Variants in TCERG1 observed in about 807,000 individuals in gnomAD.
TCERG1 encodes the protein transcription elongation regulator 1.
TCERG1 carries 37 observed loss-of-function variants against 144.7 expected under a neutral mutation model. The observed-to-expected ratio is 0.26, with a 90% CI of 0.20 to 0.34. TCERG1 has a LOEUF of 0.34. TCERG1 is among the 10% of genes least tolerant of loss of function. The probability of loss-of-function intolerance (pLI) is 1.00; values close to 1 mark genes in which losing one functional copy is unlikely to be tolerated. For missense variants in TCERG1, 1,027 were observed against 1,380.7 expected (o/e 0.74, Z 4.06); for synonymous variants, 492 against 458.2 (o/e 1.07, Z -0.94).
intron 16 of TCERG1, among the ~76,000 whole-genome samples, chr5:146,497,204 G>T (rs973350160): frequency 2.6e-5 from 4 of 151,916 alleles, no homozygotes; most frequent in Non-Finnish European, 4.4e-5. Flanking sequence ...TCAAGGCCTT[G>T]CTCTGTTGTC....
chr5:146,486,906 C>G (rs2150619408), intron 15 of TCERG1, among the ~76,000 whole-genome samples: 1 of 152,134 alleles, frequency 6.6e-6, no homozygotes, highest in East Asian at 1.9e-4. Context: ...GAAACCTCAT[C>G]TCTACTAAAA....
chr5:146,508,522 G>A (rs1327062602), intron 21 of TCERG1, among the ~76,000 whole-genome samples: 2 of 152,074 alleles, frequency 1.3e-5, no homozygotes, highest in African/African-American at 4.8e-5. Context: ...AAAGTCTATT[G>A]GATTGTAGAT....
chr5:146,492,826 G>T, intron 15 of TCERG1, 94 bp from the exon 16 acceptor site: 1 of 830,266 alleles, frequency 1.2e-6, no homozygotes, highest in Admixed American at 2.6e-5. Context: ...TATTTTTCCT[G>T]GTATAGTTTG....
chr5:146,459,514 A>G (rs1763160380), intron 4 of TCERG1, among the ~76,000 whole-genome samples, 177 bp downstream of exon 4: 1 of 152,236 alleles, frequency 6.6e-6, no homozygotes, highest in South Asian at 2.1e-4. Context: ...TTATATTAAC[A>G]GGAGAAATTA....
At chr5:146,499,975 C>G (rs1035177640) in intron 17 of TCERG1, 2 of 151,932 alleles carry the variant, frequency 1.3e-5, no homozygotes, top group Non-Finnish European at 1.5e-5. Context: ...AGTTCCGGTA[C>G]TTTACATTTT....
chr5:146,471,862 G>A (rs1269737917), intron 9 of TCERG1, among the ~76,000 whole-genome samples: 1 of 152,132 alleles, frequency 6.6e-6, no homozygotes. Flanking sequence ...CTCCCAAAGT[G>A]CTGGGATTAC....
Position 146,507,836 on chromosome 5 carries a change from A to C in TCERG1, c.2962-37A>C. 5 of 1,467,690 alleles carry C rather than the reference A, an allele frequency of 3.4e-6. No individual in the cohort carries two copies. Among genetic ancestry groups the C allele is most frequent in the Non-Finnish European group, 3.8e-6 (4 of 1,058,842 alleles). 90.9% of individuals were successfully genotyped at this position (1,467,690 alleles called of 1,614,324 possible). A position where few individuals can be genotyped will look rare whatever the true frequency, so the allele number is the denominator to read the frequency against. On this transcript the variant is annotated intron_variant, in intron 20 of 22. Coordinates refer to ENST00000679501, the MANE Select transcript of TCERG1 (RefSeq NM_001382548.1). This position sits in a 1 kb window ranked among gnomAD's most constrained non-coding sequence, Gnocchi z 4.6. The stretch of plus-strand genomic sequence containing the variant: ...CAGTTTGACTCCCTAAGTAAAAGTG[A>C]GTTGTATTTATGTTTTTTATTCATG...
At chr5:146,454,933 G>T in intron 1 of TCERG1, 123 bp from the exon 2 acceptor site, 2 of 1,027,050 alleles carry the variant, frequency 1.9e-6, no homozygotes, top group Non-Finnish European at 2.8e-6. Flanking sequence ...GTTGCAAAAT[G>T]ATGACTTTCC....
In TCERG1 at chr5:146,480,009, A is replaced by G. The variant is rs751941486; in HGVS notation, c.1820-19A>G. The G allele has an allele frequency of 6.3e-7, 1 of 1,593,734 alleles. No individual in the cohort carries two copies. Among genetic ancestry groups the G allele is most frequent in the Admixed American group, 1.7e-5 (1 of 57,392 alleles). ...GAAGGATTCATTCCTAAATATTTTA[A>G]TTAAATTTTGTCTTATAGTTAAAGA... On this transcript the variant is annotated intron_variant, in intron 11 of 22. Coordinates refer to ENST00000679501, the MANE Select transcript of TCERG1 (RefSeq NM_001382548.1).
chr5:146,447,996 C>G lies in TCERG1; in HGVS notation c.59+588C>G, dbSNP rs187827311. ...ATTATCCTGTAGTTGTGAGTAACAA[C>G]AACAGTAGCAACCCCTTATTAGGCA... On this transcript the variant is annotated intron_variant, in intron 1 of 22. Transcript: ENST00000679501. Among the ~76,000 whole-genome samples, 4 of 152,320 alleles carry G rather than the reference C, an allele frequency of 2.6e-5. No individual in the cohort carries two copies. In the East Asian group the frequency reaches 5.8e-4, roughly 22 times the overall value.
chr5:146,485,315 T>C (rs1765725450), intron 15 of TCERG1, among the ~76,000 whole-genome samples: 1 of 152,210 alleles, frequency 6.6e-6, no homozygotes, highest in African/African-American at 2.4e-5. Flanking sequence ...AATTTCTTTA[T>C]GGTGCTCATG....
intron 7 of TCERG1, 47 bp from the exon 8 acceptor site, chr5:146,470,589 A>C: frequency 6.6e-7 from 1 of 1,507,832 alleles, no homozygotes. Flanking sequence ...GTTCTTAGAA[A>C]ATTACGTCAA....
chr5:146,492,424 AGGT>A (rs752887228), intron 15 of TCERG1, among the ~76,000 whole-genome samples: 13 of 152,184 alleles, frequency 8.5e-5, no homozygotes, highest in Non-Finnish European at 1.6e-4. Flanking sequence ...GGTGTGAAGT[AGGT>A]GGTAAATAGA....
chr5:146,448,171 C>T (rs1422489122), intron 1 of TCERG1, among the ~76,000 whole-genome samples: 2 of 152,190 alleles, frequency 1.3e-5, no homozygotes. Flanking sequence ...GAGATAACAG[C>T]CTCGTGGAGG....
chr5:146,510,676 A>G lies in TCERG1; in HGVS notation c.*34A>G, dbSNP rs756508010. 1.3e-6 allele frequency: 2 copies of G among 1,579,376 alleles called. No homozygotes were observed. The highest frequency in any genetic ancestry group is 1.2e-5 in the South Asian group (1 of 86,858). ...ACTCTTCCATAGGGGCATCTATTCA[A>G]AATGCTTGCATGAGCCAATTTTCAG... On this transcript the variant is annotated 3_prime_UTR_variant, in exon 23 of 23. Transcript: ENST00000679501.
intron 8 of TCERG1, 48 bp downstream of exon 8, chr5:146,470,796 T>C (rs758342664): frequency 1.5e-6 from 2 of 1,341,070 alleles, no homozygotes; most frequent in African/African-American, 3.0e-5. Context: ...AATTGTTTCC[T>C]ACAGCTTACT....
intron 1 of TCERG1, among the ~76,000 whole-genome samples, chr5:146,452,092 T>C (rs1762406801): frequency 1.3e-5 from 2 of 152,156 alleles, no homozygotes; most frequent in African/African-American, 4.8e-5. Flanking sequence ...CTGGCCTAAA[T>C]TGGTTCTTTA....
In TCERG1 at chr5:146,481,137, C is replaced by G. The variant is rs1765333002; in HGVS notation, c.1887-13C>G. The G allele has an allele frequency of 2.0e-6, 2 of 984,904 alleles. No individual in the cohort carries two copies. Among genetic ancestry groups the G allele is most frequent in the Non-Finnish European group, 2.4e-6 (2 of 829,614 alleles). The allele number at this position is 984,904 out of a possible 1,614,324, so 61.0% of individuals were successfully genotyped here. ...ATAGACAACTCTGTAAGGTTTTTAA[C>G]TGCTTTTATCAGGAGAATGTCAAAG... On this transcript the variant is annotated splice_polypyrimidine_tract_variant and intron_variant, in intron 12 of 22. Transcript: ENST00000679501.
chr5:146,497,511 C>T (rs1174903980), intron 16 of TCERG1, among the ~76,000 whole-genome samples: 2 of 152,094 alleles, frequency 1.3e-5, no homozygotes, highest in Non-Finnish European at 2.9e-5. Flanking sequence ...GGTTTGGTTT[C>T]TATTGACTTC....
Sources: gnomAD v4.1 joint callset for allele counts (sites outside exome capture counted in the v4.1 genomes callset) on GRCh38, gnomAD v4.1.1 for gene constraint, Gnocchi (gnomAD v3.1) non-coding constraint, MANE v1.5 for transcripts, NCBI Gene and HGNC (gene_info 2026-07-23, HGNC 2026-07-21) for gene names.